The following SHPRH variants were observed in gnomAD, a reference collection of about 807,000 sequenced individuals.
The protein encoded by SHPRH is SNF2 histone linker PHD RING helicase.
Under a neutral mutation model 202.5 loss-of-function variants are expected in SHPRH, and 106 were observed. That is an observed-to-expected ratio of 0.52 (90% CI 0.45 to 0.62). The LOEUF (loss-of-function observed/expected upper bound fraction) is 0.62, where lower values mean the gene tolerates loss of function less well. Among genes scored for constraint, SHPRH ranks in the 20% least tolerant of loss-of-function variants. The pLI, the probability that SHPRH is intolerant of heterozygous loss-of-function variation, is 0.00. For synonymous variants in SHPRH, 729 were observed against 686.0 expected (o/e 1.06, Z -0.98); for missense variants, 1,710 against 2,020.0 (o/e 0.85, Z 2.94).
chr6:145,894,293 G>A (rs954961649), intron 26 of SHPRH, 57 bp from the exon 27 acceptor site: 1 of 1,294,080 alleles, frequency 7.7e-7, no homozygotes, highest in Middle Eastern at 1.9e-4. Flanking sequence ...TTATCTAAGG[G>A]TATCTGAAAA....
chr6:145,861,750 T>G (rs1378572582), downstream of SHPRH, among the ~76,000 whole-genome samples: 1 of 152,112 alleles, frequency 6.6e-6, no homozygotes, highest in East Asian at 1.9e-4. Flanking sequence ...TATGTATACA[T>G]ATACACACCC....
chr6:145,922,413 GAAGCTT>G (rs538046754), intron 19 of SHPRH, 65 bp from the exon 20 acceptor site: 72 of 1,490,204 alleles, frequency 4.8e-5, no homozygotes, highest in Non-Finnish European at 6.2e-5. Context: ...ATTTTAAGGA[GAAGCTT>G]AATATTTTGA....
Position 145,867,631 on chromosome 6 carries a change from T to TAGAGAGAGAGAG in SHPRH, c.222-3152_222-3141dup, listed in dbSNP as rs748613165. Reference sequence around the variant, plus strand: ...ATATATATATATATATATATATATATAGAGAGAGAGAGAGAGAGAGAGAGA... The same window carrying TAGAGAGAGAGAG: ...ATATATATATATATATATATATATATAGAGAGAGAGAGAGAGAGAGAGAGAGAGAGAGAGAGA... On this transcript the variant is annotated intron_variant, in intron 2 of 2. Transcript: ENST00000417762. 2.6e-3 allele frequency among the ~76,000 whole-genome samples: 57 copies of TAGAGAGAGAGAG among 22,314 alleles called. 1 individual carries two copies. The highest frequency in any genetic ancestry group is 4.1e-3 in the South Asian group (2 of 484). 14.6% of individuals were successfully genotyped at this position (22,314 alleles called of 152,430 possible).
At chr6:145,915,117 T>C (rs1012708787) in intron 23 of SHPRH, among the ~76,000 whole-genome samples, 1 of 147,394 alleles carries the variant, frequency 6.8e-6, no homozygotes, top group Non-Finnish European at 1.5e-5. Flanking sequence ...AAATTTATAA[T>C]AAAATATAAT....
chr6:145,962,902 TTACA>T (rs767841282), intron 1 of SHPRH, among the ~76,000 whole-genome samples: 1 of 152,186 alleles, frequency 6.6e-6, no homozygotes, highest in South Asian at 2.1e-4. Flanking sequence ...AATATGCTAG[TTACA>T]TAAACTTTAA....
At chr6:145,919,935 T>G (rs1350953029) in intron 21 of SHPRH, among the ~76,000 whole-genome samples, 2 of 152,272 alleles carry the variant, frequency 1.3e-5, no homozygotes, top group East Asian at 3.9e-4. Context: ...CTTTCTCAAC[T>G]GTATCACTCT....
intron 2 of SHPRH, among the ~76,000 whole-genome samples, chr6:145,875,550 A>G (rs1399070665): frequency 1.3e-5 from 2 of 152,202 alleles, no homozygotes; most frequent in Non-Finnish European, 2.9e-5. Context: ...GGGAGAATGT[A>G]GTACTTTGAG....
At chr6:145,919,672 A>G (rs574198361) in intron 21 of SHPRH, among the ~76,000 whole-genome samples, 181 bp from the exon 22 acceptor site, 2 of 152,234 alleles carry the variant, frequency 1.3e-5, no homozygotes, top group Admixed American at 6.6e-5. Flanking sequence ...AAAAATCTCT[A>G]TAGGACACTG....
chr6:145,946,140 T>C, intron 7 of SHPRH, 93 bp downstream of exon 7: 4 of 875,306 alleles, frequency 4.6e-6, no homozygotes, highest in Non-Finnish European at 6.6e-6. Flanking sequence ...AAAACAATTG[T>C]TTATAACAAT....
chr6:145,871,950 G>C (rs1252515321), intron 2 of SHPRH, among the ~76,000 whole-genome samples: 1 of 152,120 alleles, frequency 6.6e-6, no homozygotes, highest in Non-Finnish European at 1.5e-5. Context: ...ATGGAGAAAG[G>C]ATTCCCTATT....
intron 11 of SHPRH, among the ~76,000 whole-genome samples, chr6:145,937,481 CAATT>C (rs945821914): frequency 5.9e-5 from 9 of 152,216 alleles, no homozygotes; most frequent in Middle Eastern, 6.8e-3. Flanking sequence ...TATAGACAAT[CAATT>C]AATATCCTAA....
intron 1 of SHPRH, among the ~76,000 whole-genome samples, chr6:145,961,004 T>C (rs910946328): frequency 4.0e-5 from 6 of 151,732 alleles, no homozygotes; most frequent in African/African-American, 1.4e-4. Flanking sequence ...CATGCTCTTA[T>C]GGTAATCTAC....
intron 5 of SHPRH, 90 bp from the exon 6 acceptor site, chr6:145,947,733 C>A: frequency 1.4e-6 from 2 of 1,435,668 alleles, no homozygotes; most frequent in Non-Finnish European, 9.5e-7. Context: ...GAACTGGAAG[C>A]AATGCATAAA....
At chr6:145,873,787 A>T (rs1224111889) in intron 2 of SHPRH, among the ~76,000 whole-genome samples, 1 of 152,168 alleles carries the variant, frequency 6.6e-6, no homozygotes, top group Non-Finnish European at 1.5e-5. Context: ...ATGTAGTCCC[A>T]GCCTCTAGAA....
Position 145,927,262 on chromosome 6 carries a change from G to A in SHPRH, c.3128C>T (p.Ala1043Val). 6.2e-7 allele frequency: 1 copy of A among 1,611,514 alleles called. No homozygotes were observed. Among genetic ancestry groups the A allele is most frequent in the Non-Finnish European group, 8.5e-7 (1 of 1,178,602 alleles). ...IHIIKGEYAL[A>V]AELYREVLRS... ...CAACACTTCTCTGTACAATTCTGCT[G>A]CCAAGGCATACTCACCTAAAGAATT... Residue 1043 changes from alanine to valine, a missense_variant, in exon 15 of 30, where the codon GCA (alanine) becomes GTA (valine). This residue lies in a region of SHPRH where 288 missense variants were observed against 317.8 expected (regional missense o/e 0.91). Transcript: ENST00000275233.
Position 145,941,733 on chromosome 6 carries a change from G to A in SHPRH, c.2380C>T (p.Arg794Cys), listed in dbSNP as rs200862166. The A allele has an allele frequency of 6.2e-6, 10 of 1,613,990 alleles. No individual in the cohort carries two copies. Among genetic ancestry groups the A allele is most frequent in the East Asian group, 4.5e-5 (2 of 44,874 alleles). The change falls in exon 10 of 30, where the codon CGC (arginine) becomes TGC (cysteine). Residue 794 changes from arginine (R) to cysteine (C), a missense_variant. By Grantham distance (180) the Arg-to-Cys change is radical (BLOSUM62 -3). Transcript: ENST00000275233. ...ATATAGCGCTTCTGGTTCCGTAGGC[G>A]ACGCCCATCCTCACTATTGCTATGT... Reference protein sequence around the residue: ...IPHSNSEDGRRLRNQKRYMAI... With the variant: ...IPHSNSEDGRCLRNQKRYMAI...
chr6:145,937,695 C>T (rs1051787033), intron 11 of SHPRH, among the ~76,000 whole-genome samples: 2 of 152,186 alleles, frequency 1.3e-5, no homozygotes, highest in African/African-American at 2.4e-5. Context: ...CCTACCTAGT[C>T]TCTCTATCCA....
Position 145,921,277 on chromosome 6 carries a change from A to T in SHPRH, c.3898T>A (p.Ser1300Thr), listed in dbSNP as rs1476190042. 2 of 1,612,886 alleles carry T rather than the reference A, an allele frequency of 1.2e-6. No individual in the cohort carries two copies. The highest frequency in any genetic ancestry group is 1.3e-5 in the African/African-American group (1 of 74,858). ...GCAAATGATAGTATTGCTTTCATAGATCGCTCTGTCTCACTTATTGCCCAG... is the reference window on the plus strand; with the variant it reads ...GCAAATGATAGTATTGCTTTCATAGTTCGCTCTGTCTCACTTATTGCCCAG... ...GLWAISETER[S>T]MKAILSFAKS... Residue 1300 changes from serine (S) to threonine (T), a missense_variant, in exon 21 of 30, where the codon TCT (serine) becomes ACT (threonine). By Grantham distance (58) the Ser-to-Thr change is moderately conservative. Coordinates refer to ENST00000275233, the MANE Select transcript of SHPRH (RefSeq NM_001042683.3).
intron 2 of SHPRH, among the ~76,000 whole-genome samples, chr6:145,873,346 C>CTA (rs1206370527): frequency 6.6e-6 from 1 of 152,020 alleles, no homozygotes; most frequent in African/African-American, 2.4e-5. Context: ...TAGGATGACT[C>CTA]TAGAGTTTTT....
Sources: allele counts gnomAD v4.1 joint callset (sites outside exome capture counted in the v4.1 genomes callset), GRCh38; gene constraint gnomAD v4.1.1; regional missense constraint gnomAD v4.1.1; transcripts MANE v1.5; gene names NCBI Gene and HGNC (gene_info 2026-07-23, HGNC 2026-07-21).